The following RAB3C variants were observed in gnomAD, a reference collection of about 807,000 sequenced individuals.
The protein encoded by RAB3C is ras-related protein Rab-3C.
Under a neutral mutation model 26.4 loss-of-function variants are expected in RAB3C, and 17 were observed. That is an observed-to-expected ratio of 0.64 (90% CI 0.44 to 0.97). The LOEUF (loss-of-function observed/expected upper bound fraction) is 0.97. Among genes scored for constraint, RAB3C ranks in the 50% least tolerant of loss-of-function variants. The probability of loss-of-function intolerance (pLI) is 0.00; values close to 1 mark genes in which losing one functional copy is unlikely to be tolerated. For missense variants in RAB3C, 242 were observed against 281.9 expected, an observed-to-expected ratio of 0.86 and a Z score of 1.01; for synonymous variants, 91 against 95.9, an observed-to-expected ratio of 0.95 and a Z score of 0.30.
intron 2 of RAB3C, among the ~76,000 whole-genome samples, chr5:58,633,853 C>A: frequency 6.6e-6 from 1 of 152,036 alleles, no homozygotes; most frequent in South Asian, 2.1e-4. Context: ...TTTGTTTGGG[C>A]CACGTGTGGT....
At chr5:58,800,279 T>C (rs775026527) in intron 3 of RAB3C, among the ~76,000 whole-genome samples, 4 of 152,248 alleles carry the variant, frequency 2.6e-5, no homozygotes, top group African/African-American at 7.2e-5. Flanking sequence ...GTTTGCACCC[T>C]ACATTTAGTT....
intron 2 of RAB3C, among the ~76,000 whole-genome samples, chr5:58,711,418 T>C (rs542464961): frequency 6.6e-6 from 1 of 152,334 alleles, no homozygotes; most frequent in African/African-American, 2.4e-5. Flanking sequence ...CTATTAGGTA[T>C]TGATTTCATT....
rs147472355 is a variant in RAB3C, at chr5:58,829,863, T to G, written c.496+4701T>G. On this transcript the variant is annotated intron_variant, in intron 4 of 4. Coordinates refer to ENST00000282878, the MANE Select transcript of RAB3C (RefSeq NM_138453.4). ...GCCATTTTACCAAGCTCTATAATTT[T>G]TCTTCCCTTCTTTTCCCATTTAATG... Among the ~76,000 whole-genome samples the G allele has an allele frequency of 4.3e-3, 653 of 152,326 alleles. 5 individuals are homozygous for G. The highest frequency in any genetic ancestry group is 0.012 in the African/African-American group (518 of 41,568).
chr5:58,714,939 T>C (rs1749137279), intron 2 of RAB3C, among the ~76,000 whole-genome samples: 1 of 152,026 alleles, frequency 6.6e-6, no homozygotes, highest in Non-Finnish European at 1.5e-5. Flanking sequence ...GGCCAATTTC[T>C]TGATAAAAGG....
At chr5:58,839,125 A>G (rs1010012067) in intron 4 of RAB3C, among the ~76,000 whole-genome samples, 5 of 151,664 alleles carry the variant, frequency 3.3e-5, no homozygotes, top group African/African-American at 1.2e-4. Context: ...TGTAGGTAGC[A>G]TATAATTGGG....
chr5:58,834,667 G>T (rs993351975), intron 4 of RAB3C, among the ~76,000 whole-genome samples: 1 of 152,218 alleles, frequency 6.6e-6, no homozygotes, highest in Admixed American at 6.5e-5. Flanking sequence ...CTGAGGAGAA[G>T]CACTGCCACC....
intron 3 of RAB3C, among the ~76,000 whole-genome samples, chr5:58,742,595 C>G (rs1460033639): frequency 6.6e-6 from 1 of 152,194 alleles, no homozygotes; most frequent in African/African-American, 2.4e-5. Context: ...ATCTAAGCAA[C>G]TTGAAAACAT....
At chr5:58,797,363 T>TAA (rs1742690095) in intron 3 of RAB3C, among the ~76,000 whole-genome samples, 1 of 22,962 alleles carries the variant, frequency 4.4e-5, no homozygotes, top group African/African-American at 4.0e-4. Flanking sequence ...AATATGTATA[T>TAA]ATATAATATA....
intron 3 of RAB3C, among the ~76,000 whole-genome samples, chr5:58,726,697 A>T (rs1740898248): frequency 6.6e-6 from 1 of 152,000 alleles, no homozygotes; most frequent in Admixed American, 6.6e-5. Context: ...ATTCAAACTG[A>T]AAAATTTTGA....
At chr5:58,667,225 C>T (rs1368267212) in intron 2 of RAB3C, among the ~76,000 whole-genome samples, 1 of 152,148 alleles carries the variant, frequency 6.6e-6, no homozygotes, top group Non-Finnish European at 1.5e-5. Flanking sequence ...AAATTTGATT[C>T]CTCAGCCTCC....
intron 2 of RAB3C, among the ~76,000 whole-genome samples, chr5:58,704,294 A>G (rs575993628): frequency 4.6e-5 from 7 of 152,362 alleles, no homozygotes; most frequent in Middle Eastern, 3.4e-3. Flanking sequence ...CTACAGAGCC[A>G]TGAAATCTCC....
chr5:58,811,341 T>TTG lies in RAB3C; in HGVS notation c.372-13696_372-13695dup, dbSNP rs758010287. On this transcript the variant is annotated intron_variant, in intron 3 of 4. Coordinates refer to ENST00000282878, the MANE Select transcript of RAB3C (RefSeq NM_138453.4). ...GCAATGTCATTTTAAAGGTTAGATT[T>TTG]TGCGTGTGTGTGTATGTGTGTGTAT... Among the ~76,000 whole-genome samples, 720 of 151,730 alleles carry TTG rather than the reference T, an allele frequency of 4.7e-3. 2 individuals are homozygous for TTG. The highest frequency in any genetic ancestry group is 7.1e-3 in the Non-Finnish European group (480 of 67,748).
chr5:58,793,915 C>G (rs1742584614), intron 3 of RAB3C, among the ~76,000 whole-genome samples: 1 of 152,080 alleles, frequency 6.6e-6, no homozygotes, highest in African/African-American at 2.4e-5. Flanking sequence ...TGTCTATCTT[C>G]TTATTTTATC....
chr5:58,612,516 G>GTATATATATATA (rs1561266342), intron 1 of RAB3C, among the ~76,000 whole-genome samples: 3 of 41,082 alleles, frequency 7.3e-5, no homozygotes, highest in African/African-American at 2.6e-4. Context: ...GTGTGTGTGT[G>GTATATATATATA]TGTGTATATA....
At chr5:58,673,304 A>G (rs1748157834) in intron 2 of RAB3C, among the ~76,000 whole-genome samples, 1 of 152,148 alleles carries the variant, frequency 6.6e-6, no homozygotes, top group African/African-American at 2.4e-5. Flanking sequence ...ACTTTAAGGT[A>G]TTAAAAAGTC....
At chr5:58,626,123 T>C (rs954795533) in intron 2 of RAB3C, among the ~76,000 whole-genome samples, 1 of 152,228 alleles carries the variant, frequency 6.6e-6, no homozygotes, top group African/African-American at 2.4e-5. Flanking sequence ...ATGTTTTCTT[T>C]TCTTTCTTCA....
intron 2 of RAB3C, among the ~76,000 whole-genome samples, chr5:58,665,358 T>C (rs1747981773): frequency 6.6e-6 from 1 of 152,162 alleles, no homozygotes; most frequent in African/African-American, 2.4e-5. Context: ...AAAATGTGAG[T>C]GTGTGACCTA....
At chr5:58,597,079 A>ATATATAATACATTATATATATTATATAAT (rs1561260515) in intron 1 of RAB3C, among the ~76,000 whole-genome samples, 33 of 6,556 alleles carry the variant, frequency 5.0e-3, no homozygotes, top group East Asian at 0.017. Flanking sequence ...ATTATATAAT[A>ATATATAATACATTATATATATTATATAAT]ATATATAATA....
intron 3 of RAB3C, among the ~76,000 whole-genome samples, chr5:58,766,059 T>C (rs916796629): frequency 9.2e-5 from 14 of 152,136 alleles, no homozygotes; most frequent in African/African-American, 3.4e-4. Context: ...GCTTGCTGTA[T>C]GGCTTGTGGA....
Sources: allele counts gnomAD v4.1 joint callset (sites outside exome capture counted in the v4.1 genomes callset), GRCh38; gene constraint gnomAD v4.1.1; transcripts MANE v1.5; gene names NCBI Gene and HGNC (gene_info 2026-07-23, HGNC 2026-07-21).